SNTG1: variants seen among roughly 807,000 people sequenced by gnomAD.
The protein encoded by SNTG1 is syntrophin gamma 1.
Under a neutral mutation model 74.7 loss-of-function variants are expected in SNTG1, and 39 were observed. The observed-to-expected ratio is 0.52, with a 90% CI of 0.40 to 0.68. The LOEUF (loss-of-function observed/expected upper bound fraction) is 0.68. Ranked by LOEUF, SNTG1 falls within the 30% of genes least tolerant of loss-of-function variation. SNTG1 has a pLI of 0.00. For missense variants in SNTG1, 685 were observed against 609.5 expected (o/e 1.12, Z -1.30); for synonymous variants, 254 against 217.1 (o/e 1.17, Z -1.49).
intron 2 of SNTG1, among the ~76,000 whole-genome samples, chr8:50,221,882 C>A (rs1275200579): frequency 6.6e-6 from 1 of 152,138 alleles, no homozygotes; most frequent in Non-Finnish European, 1.5e-5. Flanking sequence ...GTATAGCCAG[C>A]TAAATGGGAG....
At chr8:50,516,731 G>A (rs1011822699) in intron 9 of SNTG1, among the ~76,000 whole-genome samples, 3 of 152,014 alleles carry the variant, frequency 2.0e-5, no homozygotes, top group Admixed American at 1.3e-4. Context: ...AAAGTATAAA[G>A]ACAAGATTAG....
At position 50,548,572 on chromosome 8, in the gene SNTG1, C is replaced by T. The variant is rs142297670; in HGVS notation, c.681-4478C>T. On this transcript the variant is annotated intron_variant, in intron 11 of 18. Coordinates refer to ENST00000642720, the MANE Select transcript of SNTG1 (RefSeq NM_018967.5). ...AAAGATTCCGAGCACTGTGCTAATG[C>T]TATGAGAGGTATAAAATAGCATATA... Among the ~76,000 whole-genome samples, 823 of 152,220 alleles carry T rather than the reference C, an allele frequency of 5.4e-3. 10 individuals are homozygous for T. The highest frequency in any genetic ancestry group is 0.018 in the African/African-American group (757 of 41,528).
chr8:50,319,909 T>C (rs573734211), intron 2 of SNTG1, among the ~76,000 whole-genome samples: 42 of 152,332 alleles, frequency 2.8e-4, no homozygotes, highest in African/African-American at 8.9e-4. Flanking sequence ...TTGAATTTGG[T>C]TTGCTAGTAT....
intron 2 of SNTG1, among the ~76,000 whole-genome samples, chr8:50,351,592 CA>C (rs1236248349): frequency 6.6e-6 from 1 of 152,110 alleles, no homozygotes; most frequent in African/African-American, 2.4e-5. Context: ...ATGGAAATAT[CA>C]CAGTAAAACA....
At chr8:50,000,802 A>C (rs1485905529) in intron 1 of SNTG1, among the ~76,000 whole-genome samples, 2 of 152,198 alleles carry the variant, frequency 1.3e-5, no homozygotes, top group Non-Finnish European at 2.9e-5. Context: ...AGTCCTATAG[A>C]TCTGGACAAG....
chr8:50,203,291 A>G (rs1370482565), intron 2 of SNTG1, among the ~76,000 whole-genome samples: 1 of 152,048 alleles, frequency 6.6e-6, no homozygotes, highest in Non-Finnish European at 1.5e-5. Context: ...TTCCATGCTG[A>G]CCACTTTTTC....
chr8:50,018,454 T>C (rs917653509), intron 1 of SNTG1, among the ~76,000 whole-genome samples: 1 of 152,026 alleles, frequency 6.6e-6, no homozygotes, highest in African/African-American at 2.4e-5. Context: ...GAATGAGTTT[T>C]GACCTCTACC....
chr8:50,487,629 T>C (rs902507877), intron 8 of SNTG1, among the ~76,000 whole-genome samples: 1 of 151,010 alleles, frequency 6.6e-6, no homozygotes, highest in Non-Finnish European at 1.5e-5. Context: ...TAGGTGGGAA[T>C]TGAACAATGA....
At chr8:49,910,608 G>A (rs1805529915), upstream of SNTG1, among the ~76,000 whole-genome samples, 1 of 152,240 alleles carries the variant, frequency 6.6e-6, no homozygotes, top group South Asian at 2.1e-4. Context: ...CAGCACTCGG[G>A]ACCACGCACC....
At chr8:50,599,766 ACTT>A (rs2094759300) in intron 13 of SNTG1, among the ~76,000 whole-genome samples, 2 of 152,110 alleles carry the variant, frequency 1.3e-5, no homozygotes, top group Admixed American at 6.5e-5. Flanking sequence ...GGATAATTTG[ACTT>A]CTTCTTTTCC....
chr8:50,435,851 A>G (rs142159914), intron 4 of SNTG1, among the ~76,000 whole-genome samples: 3 of 152,154 alleles, frequency 2.0e-5, no homozygotes, highest in Admixed American at 1.3e-4. Context: ...TCTTTTCTGC[A>G]TCAGCAGTTT....
intron 12 of SNTG1, among the ~76,000 whole-genome samples, chr8:50,565,413 G>GC (rs2130719263): frequency 6.6e-6 from 1 of 152,096 alleles, no homozygotes; most frequent in East Asian, 1.9e-4. Context: ...AATAATAGGG[G>GC]AGACTAGCTG....
intron 8 of SNTG1, among the ~76,000 whole-genome samples, chr8:50,485,156 G>A (rs1033990912): frequency 1.9e-4 from 29 of 152,086 alleles, no homozygotes; most frequent in African/African-American, 5.1e-4. Context: ...ATGACCAAGA[G>A]GGCACTGTAG....
intron 1 of SNTG1, among the ~76,000 whole-genome samples, chr8:50,023,467 A>T (rs1452283182): frequency 2.6e-5 from 4 of 152,170 alleles, no homozygotes; most frequent in Non-Finnish European, 5.9e-5. Flanking sequence ...TAACTTTCCA[A>T]TCACAGTAGA....
rs1554524905 is a variant in SNTG1 at position 49,938,603 on chromosome 8, T to TTTTTTTTCTTTTCTTTTTTTCTTTCTTTC, written c.-103+26375_-103+26376insTTTTCTTTTCTTTTTTTCTTTCTTTCTTT. 2.1e-4 allele frequency among the ~76,000 whole-genome samples: 16 copies of TTTTTTTTCTTTTCTTTTTTTCTTTCTTTC among 74,766 alleles called. 1 individual carries two copies. The highest frequency in any genetic ancestry group is 4.9e-4 in the Admixed American group (3 of 6,070). The allele number at this position is 74,766 out of a possible 152,430, so 49.0% of individuals were successfully genotyped here. A position where few individuals can be genotyped will look rare whatever the true frequency, so the allele number is the denominator to read the frequency against. On this transcript the variant is annotated intron_variant, in intron 1 of 18. Transcript: ENST00000642720. ...TTTTCTTTTCTTTTCTTTTCTTTTC[T>TTTTTTTTCTTTTCTTTTTTTCTTTCTTTC]TTTCTTTCTTTCTTTCTTTCTTTCT... is the stretch of plus-strand genomic sequence containing the variant.
intron 2 of SNTG1, among the ~76,000 whole-genome samples, chr8:50,200,368 A>C (rs2131837261): frequency 6.6e-6 from 1 of 152,338 alleles, no homozygotes; most frequent in African/African-American, 2.4e-5. Flanking sequence ...ATCCAAGGTC[A>C]CAATGACTTG....
chr8:50,013,516 T>A (rs1399586619), intron 1 of SNTG1, among the ~76,000 whole-genome samples: 1 of 151,740 alleles, frequency 6.6e-6, no homozygotes, highest in African/African-American at 2.4e-5. Flanking sequence ...GAGATATATA[T>A]GTATGTGCAC....
intron 15 of SNTG1, among the ~76,000 whole-genome samples, chr8:50,662,669 G>A (rs1008596226): frequency 6.6e-6 from 1 of 152,130 alleles, no homozygotes; most frequent in Non-Finnish European, 1.5e-5. Flanking sequence ...AAAAAGATGG[G>A]AACCAGAGAG....
intron 2 of SNTG1, among the ~76,000 whole-genome samples, chr8:50,390,755 G>A (rs1432195039): frequency 6.6e-6 from 1 of 152,088 alleles, no homozygotes; most frequent in Non-Finnish European, 1.5e-5. Flanking sequence ...TTGAGCAGTG[G>A]TTTGTAGTTC....
Sources: gnomAD v4.1 joint callset for allele counts (sites outside exome capture counted in the v4.1 genomes callset) on GRCh38, gnomAD v4.1.1 for gene constraint, MANE v1.5 for transcripts, NCBI Gene and HGNC (gene_info 2026-07-23, HGNC 2026-07-21) for gene names.